The following ZDHHC13 variants were observed in gnomAD, a reference collection of about 807,000 sequenced individuals.
The protein encoded by ZDHHC13 is palmitoyltransferase ZDHHC13.
Under a neutral mutation model 86.0 loss-of-function variants are expected in ZDHHC13, and 85 were observed. The observed-to-expected ratio is 0.99, with a 90% CI of 0.83 to 1.18. The LOEUF (loss-of-function observed/expected upper bound fraction) is 1.18, where lower values mean the gene tolerates loss of function less well. ZDHHC13 is among the 50% of genes most tolerant of loss of function. ZDHHC13 has a pLI of 0.00. For synonymous variants in ZDHHC13, 263 were observed against 246.4 expected, an observed-to-expected ratio of 1.07 and a Z score of -0.63; for missense variants, 711 against 730.2, an observed-to-expected ratio of 0.97 and a Z score of 0.30.
intron 14 of ZDHHC13, chr11:19,168,567 T>A (rs992053508): frequency 2.0e-5 from 3 of 153,068 alleles, no homozygotes; most frequent in African/African-American, 7.2e-5. Context: ...ACTAGCTGAG[T>A]GTATTTTGTT....
At chr11:19,122,634 G>C (rs955406060) in intron 1 of ZDHHC13, among the ~76,000 whole-genome samples, 9 of 152,166 alleles carry the variant, frequency 5.9e-5, no homozygotes, top group Non-Finnish European at 1.2e-4. Context: ...GGAGTGACCT[G>C]CTTGGCATAT....
At chr11:19,149,467 G>A (rs1452492725) in intron 5 of ZDHHC13, 136 bp downstream of exon 5, 5 of 941,652 alleles carry the variant, frequency 5.3e-6, no homozygotes, top group African/African-American at 1.7e-5. Context: ...GCCTCAGTAC[G>A]TTTAGCCATT....
At chr11:19,136,158 G>T (rs1337941877) in intron 1 of ZDHHC13, among the ~76,000 whole-genome samples, 1 of 152,146 alleles carries the variant, frequency 6.6e-6, no homozygotes, top group Non-Finnish European at 1.5e-5. Flanking sequence ...CAAAGGCAAA[G>T]AAGTTGAAAA....
In ZDHHC13 at chr11:19,117,918, C is replaced by G. The variant is rs2133348239; in HGVS notation, c.27+642C>G. 1 of 152,352 alleles carries G rather than the reference C, an allele frequency of 6.6e-6. No homozygotes were observed. Among genetic ancestry groups the G allele is most frequent in the Non-Finnish European group, 1.5e-5 (1 of 68,106 alleles). 9.4% of individuals were successfully genotyped at this position (152,352 alleles called of 1,614,324 possible). A position where few individuals can be genotyped will look rare whatever the true frequency, so the allele number is the denominator to read the frequency against. On this transcript the variant is annotated intron_variant, in intron 1 of 16. Coordinates refer to ENST00000446113, the MANE Select transcript of ZDHHC13 (RefSeq NM_019028.3). The surrounding 1 kb of genome is among the most constrained non-coding windows in gnomAD (Gnocchi z 4.2). Reference sequence around the variant, plus strand: ...CGGAGGTCCAAAGAAGCCAGGCGGGCCAGTCGGAGAAGTTACAGGAGGTAG... The same window carrying G: ...CGGAGGTCCAAAGAAGCCAGGCGGGGCAGTCGGAGAAGTTACAGGAGGTAG...
At chr11:19,170,209 A>T (rs1317821609) in intron 14 of ZDHHC13, 40 of 1,397,976 alleles carry the variant, frequency 2.9e-5, no homozygotes, top group Non-Finnish European at 3.7e-5. Context: ...GTGTTATCAT[A>T]GCCTCAATTA....
chr11:19,152,785 G>A (rs759974116), intron 8 of ZDHHC13, 101 bp downstream of exon 8: 8 of 1,560,818 alleles, frequency 5.1e-6, no homozygotes, highest in Non-Finnish European at 7.0e-6. Flanking sequence ...TTGGCTTTTT[G>A]CTGCATTATA....
intron 6 of ZDHHC13, 125 bp from the exon 7 acceptor site, chr11:19,152,033 T>C: frequency 2.0e-6 from 2 of 1,016,940 alleles, no homozygotes; most frequent in Non-Finnish European, 2.8e-6. Context: ...AAGAAGTTTC[T>C]CAGTTCTGAA....
intron 1 of ZDHHC13, among the ~76,000 whole-genome samples, chr11:19,138,763 G>T (rs1348364278): frequency 6.6e-6 from 1 of 151,712 alleles, no homozygotes; most frequent in African/African-American, 2.4e-5. Context: ...TTCAATATAC[G>T]CAAATCAATA....
At chr11:19,134,276 G>T (rs963313944) in intron 1 of ZDHHC13, among the ~76,000 whole-genome samples, 1 of 152,040 alleles carries the variant, frequency 6.6e-6, no homozygotes, top group African/African-American at 2.4e-5. Context: ...CAAGAGGATC[G>T]CTTGAGGCCA....
chr11:19,133,290 G>A (rs987067072), intron 1 of ZDHHC13, among the ~76,000 whole-genome samples: 1 of 151,912 alleles, frequency 6.6e-6, no homozygotes, highest in Non-Finnish European at 1.5e-5. Flanking sequence ...TTGAAGATGA[G>A]TTAAGCATAT....
At position 19,127,499 on chromosome 11, in the gene ZDHHC13, G is replaced by T. The variant is rs147793537; in HGVS notation, c.27+10223G>T. 6.8e-3 allele frequency among the ~76,000 whole-genome samples: 1,042 copies of T among 152,138 alleles called. 9 individuals carry two copies. Among genetic ancestry groups the T allele is most frequent in the African/African-American group, 0.024 (983 of 41,516 alleles). On this transcript the variant is annotated intron_variant, in intron 1 of 16. Transcript: ENST00000446113. The stretch of plus-strand genomic sequence containing the variant: ...TTTGCTTTTGTTGCCATTGCTTTTG[G>T]CATCTTTGTTATGAAATCTTTGCCC...
In ZDHHC13 at chr11:19,125,482, A is replaced by G. The variant is rs77628190; in HGVS notation, c.27+8206A>G. ...CCAAGTGCTGGTGAGAATGCAGAAC[A>G]ATTGTAACTCTCATAGTTGTTAGTG... On this transcript the variant is annotated intron_variant, in intron 1 of 16. Coordinates refer to ENST00000446113, the MANE Select transcript of ZDHHC13 (RefSeq NM_019028.3). 8.2e-3 allele frequency among the ~76,000 whole-genome samples: 1,250 copies of G among 152,330 alleles called. 13 individuals carry two copies. Among genetic ancestry groups the G allele is most frequent in the African/African-American group, 0.027 (1,137 of 41,570 alleles).
intron 1 of ZDHHC13, among the ~76,000 whole-genome samples, chr11:19,124,128 G>A (rs1401719063): frequency 2.0e-5 from 3 of 152,004 alleles, no homozygotes; most frequent in African/African-American, 7.3e-5. Context: ...CCAAAGGGGA[G>A]TGTTGAATGA....
chr11:19,142,241 T>A (rs1341860016), intron 1 of ZDHHC13, among the ~76,000 whole-genome samples: 1 of 152,116 alleles, frequency 6.6e-6, no homozygotes, highest in Non-Finnish European at 1.5e-5. Flanking sequence ...GCAAGGACTG[T>A]TTTCACTCCT....
At position 19,176,023 on chromosome 11, in the gene ZDHHC13, G is replaced by A; in HGVS notation, c.*63G>A. The A allele has an allele frequency of 6.6e-7, 1 of 1,513,882 alleles. No homozygotes were observed. The highest frequency in any genetic ancestry group is 2.4e-5 in the East Asian group (1 of 41,820). The allele number at this position is 1,513,882 out of a possible 1,614,324, so 93.8% of individuals were successfully genotyped here. ...TGTTTATGTCGATGCCCTGTAGTTT[G>A]AAAGTGAAGTAAAGATTTAGAATTC... On this transcript the variant is annotated 3_prime_UTR_variant, in exon 17 of 17. Coordinates refer to ENST00000446113, the MANE Select transcript of ZDHHC13 (RefSeq NM_019028.3).
intron 15 of ZDHHC13, among the ~76,000 whole-genome samples, chr11:19,171,886 C>G (rs1368151555): frequency 6.6e-6 from 1 of 152,054 alleles, no homozygotes; most frequent in East Asian, 1.9e-4. Flanking sequence ...CCTGAGCGCT[C>G]TGGGTAGTCG....
intron 4 of ZDHHC13, among the ~76,000 whole-genome samples, chr11:19,148,318 A>C (rs1337055976): frequency 6.6e-6 from 1 of 152,020 alleles, no homozygotes. Flanking sequence ...ATGTAAGTCA[A>C]GGAGTTGAAT....
chr11:19,170,334 A>C (rs1850184843), intron 14 of ZDHHC13, 77 bp from the exon 15 acceptor site: 1 of 1,470,602 alleles, frequency 6.8e-7, no homozygotes, highest in Non-Finnish European at 8.9e-7. Context: ...ATAGAACTGC[A>C]GTGATTTTAT....
At chr11:19,141,855 A>T in intron 1 of ZDHHC13, among the ~76,000 whole-genome samples, 1 of 152,122 alleles carries the variant, frequency 6.6e-6, no homozygotes, top group East Asian at 1.9e-4. Flanking sequence ...CGAATGTAAC[A>T]TTTGTTGATT....
Sources: gnomAD v4.1 joint callset for allele counts (sites outside exome capture counted in the v4.1 genomes callset) on GRCh38, gnomAD v4.1.1 for gene constraint, Gnocchi (gnomAD v3.1) non-coding constraint, MANE v1.5 for transcripts, NCBI Gene and HGNC (gene_info 2026-07-23, HGNC 2026-07-21) for gene names.